LRRK1: variants seen among roughly 807,000 people sequenced by gnomAD.
The protein encoded by LRRK1 is leucine rich repeat kinase 1.
In LRRK1, 113 loss-of-function variants were observed where a neutral mutation model predicts 209.1. That is an observed-to-expected ratio of 0.54 (90% confidence interval 0.46 to 0.63). The LOEUF (loss-of-function observed/expected upper bound fraction) is 0.63. Among genes scored for constraint, LRRK1 ranks in the 30% least tolerant of loss-of-function variants. The pLI is 0.00. For missense variants in LRRK1, 2,284 were observed against 2,632.2 expected (o/e 0.87, Z 2.89); for synonymous variants, 1,144 against 1,099.7 (o/e 1.04, Z -0.80).
chr15:101,044,132 C>G (rs2034919279), intron 20 of LRRK1: 2 of 152,248 alleles, frequency 1.3e-5, no homozygotes, highest in African/African-American at 4.8e-5. Flanking sequence ...TGCTGGGATC[C>G]CTGGATCTGT....
intron 20 of LRRK1, among the ~76,000 whole-genome samples, chr15:101,030,475 T>C (rs1467192149): frequency 6.6e-6 from 1 of 152,120 alleles, no homozygotes; most frequent in African/African-American, 2.4e-5. Context: ...GCTTCCAAAT[T>C]GCTCCCACCT....
chr15:101,057,111 C>A, intron 28 of LRRK1, 61 bp downstream of exon 28: 2 of 1,448,252 alleles, frequency 1.4e-6, no homozygotes, highest in African/African-American at 1.4e-5. Context: ...AGCTGTGGGT[C>A]CCCAGGGGGT....
intron 6 of LRRK1, among the ~76,000 whole-genome samples, chr15:101,005,713 G>A (rs2032916456): frequency 6.6e-6 from 1 of 152,234 alleles, no homozygotes; most frequent in Non-Finnish European, 1.5e-5. Context: ...ACAGCGATAT[G>A]TCACAGGAAC....
rs1197572618 is a variant in LRRK1 at position 101,029,250 on chromosome 15, C to T, written c.2963+18C>T. 1 of 1,597,174 alleles carries T rather than the reference C, an allele frequency of 6.3e-7. No homozygotes were observed. The highest frequency in any genetic ancestry group is 8.6e-7 in the Non-Finnish European group (1 of 1,169,276). On this transcript the variant is annotated intron_variant, in intron 20 of 33. Transcript: ENST00000388948. ...AATGACAGGTGAGGACACAACTTAACACGCCAGGCTGTGCAGGTTGCTCCC... is the reference window on the plus strand; with the variant it reads ...AATGACAGGTGAGGACACAACTTAATACGCCAGGCTGTGCAGGTTGCTCCC...
intron 2 of LRRK1, among the ~76,000 whole-genome samples, chr15:100,964,173 T>C (rs892476801): frequency 3.9e-5 from 6 of 152,136 alleles, no homozygotes; most frequent in Non-Finnish European, 8.8e-5. Flanking sequence ...GCCTGGGTGA[T>C]GGGTGCAATG....
chr15:101,011,741 C>T (rs936508931), intron 9 of LRRK1, among the ~76,000 whole-genome samples: 1 of 151,546 alleles, frequency 6.6e-6, no homozygotes, highest in Non-Finnish European at 1.5e-5. Context: ...CCATTATTTC[C>T]AAGGACAATG....
chr15:100,970,283 T>G (rs1490328942), intron 2 of LRRK1, among the ~76,000 whole-genome samples: 1 of 152,226 alleles, frequency 6.6e-6, no homozygotes, highest in African/African-American at 2.4e-5. Context: ...AGTGCTGTAA[T>G]GAACATGTGT....
intron 10 of LRRK1, 37 bp from the exon 11 acceptor site, chr15:101,014,279 C>A: frequency 7.0e-7 from 1 of 1,423,742 alleles, no homozygotes; most frequent in Non-Finnish European, 9.9e-7. Flanking sequence ...GTATCTGATG[C>A]TATCTTAGCT....
chr15:100,996,414 C>T (rs964376528), intron 6 of LRRK1, among the ~76,000 whole-genome samples: 3 of 152,190 alleles, frequency 2.0e-5, no homozygotes, highest in Non-Finnish European at 4.4e-5. Flanking sequence ...CACAGTCGCT[C>T]GTGTGAACAG....
chr15:100,925,406 A>C (rs868653770), intron 2 of LRRK1, among the ~76,000 whole-genome samples: 1 of 152,218 alleles, frequency 6.6e-6, no homozygotes, highest in Non-Finnish European at 1.5e-5. Context: ...TATCTGCGGG[A>C]GTGCTATGTG....
intron 6 of LRRK1, among the ~76,000 whole-genome samples, chr15:100,999,493 G>T (rs1488083796): frequency 6.6e-6 from 1 of 152,186 alleles, no homozygotes; most frequent in East Asian, 1.9e-4. Flanking sequence ...GAGTTTAGTT[G>T]TAGCTGATTA....
chr15:101,011,433 A>G (rs956402131), intron 9 of LRRK1, among the ~76,000 whole-genome samples: 15 of 149,242 alleles, frequency 1.0e-4, no homozygotes, highest in African/African-American at 3.2e-4. Flanking sequence ...CCGAGATTGC[A>G]CCATTGCACT....
chr15:100,970,857 C>T (rs1255910316), intron 2 of LRRK1, among the ~76,000 whole-genome samples: 1 of 152,180 alleles, frequency 6.6e-6, no homozygotes, highest in African/African-American at 2.4e-5. Flanking sequence ...CAATTTCTCT[C>T]AGCAATGTTT....
Position 100,919,737 on chromosome 15 carries a change from G to A in LRRK1, c.-123+286G>A, listed in dbSNP as rs2041986028. Among the ~76,000 whole-genome samples, 1 of 151,842 alleles carries A rather than the reference G, an allele frequency of 6.6e-6. No homozygotes were observed. Among genetic ancestry groups the A allele is most frequent in the African/African-American group, 2.4e-5 (1 of 41,364 alleles). ...TGTGGGAGGGGAGCGCGCGGGGCCC[G>A]AGCAGGGAACCCCGAAACCCCGTCC... On this transcript the variant is annotated intron_variant, in intron 1 of 33. Coordinates refer to ENST00000388948, the MANE Select transcript of LRRK1 (RefSeq NM_024652.6). The surrounding 1 kb of genome is among the most constrained non-coding windows in gnomAD (Gnocchi z 5.8).
intron 26 of LRRK1, 101 bp downstream of exon 26, chr15:101,053,521 C>A: frequency 9.8e-7 from 1 of 1,016,814 alleles, no homozygotes; most frequent in Non-Finnish European, 1.4e-6. Context: ...CTTGGCAAGC[C>A]CAGGGCACGC....
intron 12 of LRRK1, among the ~76,000 whole-genome samples, chr15:101,019,855 C>T (rs960534054): frequency 6.6e-6 from 1 of 152,190 alleles, no homozygotes; most frequent in Non-Finnish European, 1.5e-5. Context: ...AAATCCAAAC[C>T]TCTGATTCCC....
At chr15:101,057,164 T>C (rs1412362427) in intron 28 of LRRK1, 114 bp downstream of exon 28, 4 of 821,058 alleles carry the variant, frequency 4.9e-6, no homozygotes, top group Non-Finnish European at 7.4e-6. Flanking sequence ...AACCCTTCTC[T>C]GCTCATTTCT....
rs1439213307 is a variant in LRRK1 at position 101,027,128 on chromosome 15, ACTT to A, written c.2406-129_2406-127del. 4.4e-6 allele frequency: 5 copies of A among 1,149,258 alleles called. No homozygotes were observed. In the African/African-American group the frequency reaches 7.7e-5, roughly 18 times the overall value. 71.2% of individuals were successfully genotyped at this position (1,149,258 alleles called of 1,614,324 possible). ...TTTGCACAAAGCAAGGCCTCAATAAACTTCTTGTGTTGTCTTTCACGAGTTCTC... is the reference window on the plus strand; with the variant it reads ...TTTGCACAAAGCAAGGCCTCAATAAACTTGTGTTGTCTTTCACGAGTTCTC... On this transcript the variant is annotated intron_variant, in intron 17 of 33. Transcript: ENST00000388948. This position sits in a 1 kb window ranked among gnomAD's most constrained non-coding sequence, Gnocchi z 5.1.
intron 29 of LRRK1, among the ~76,000 whole-genome samples, chr15:101,059,585 T>C (rs970933664): frequency 2.0e-5 from 3 of 148,810 alleles, no homozygotes; most frequent in Non-Finnish European, 4.5e-5. Context: ...TAATGAGTAA[T>C]TATGTTGCTG....
Sources: allele counts gnomAD v4.1 joint callset (sites outside exome capture counted in the v4.1 genomes callset), GRCh38; gene constraint gnomAD v4.1.1; non-coding constraint Gnocchi (gnomAD v3.1); transcripts MANE v1.5; gene names NCBI Gene and HGNC (gene_info 2026-07-23, HGNC 2026-07-21).